The following ATP8A2 variants were observed in gnomAD, a reference collection of about 807,000 sequenced individuals.
ATP8A2 encodes the protein ATPase phospholipid transporting 8A2, also known as phospholipid-transporting ATPase IB.
ATP8A2 carries 100 observed loss-of-function variants against 165.6 expected under a neutral mutation model. That is an observed-to-expected ratio of 0.60 (90% confidence interval 0.51 to 0.71). The LOEUF (loss-of-function observed/expected upper bound fraction) is 0.71. Ranked by LOEUF, ATP8A2 falls within the 30% of genes least tolerant of loss-of-function variation. The pLI is 0.00. For missense variants in ATP8A2, 1,227 were observed against 1,479.5 expected (o/e 0.83, Z 2.80); for synonymous variants, 543 against 548.8 (o/e 0.99, Z 0.15).
At chr13:25,566,225 G>A (rs1264034435) in intron 16 of ATP8A2, among the ~76,000 whole-genome samples, 1 of 152,036 alleles carries the variant, frequency 6.6e-6, no homozygotes, top group African/African-American at 2.4e-5. Flanking sequence ...AGTGGTCCAA[G>A]CCCACAGAGG....
chr13:25,439,772 G>T (rs2034880550), intron 1 of ATP8A2, among the ~76,000 whole-genome samples: 1 of 152,008 alleles, frequency 6.6e-6, no homozygotes, highest in Non-Finnish European at 1.5e-5. Context: ...CGGTCATGAT[G>T]GTGTGCACCT....
At chr13:25,808,230 A>G (rs1292745977) in intron 27 of ATP8A2, among the ~76,000 whole-genome samples, 1 of 151,712 alleles carries the variant, frequency 6.6e-6, no homozygotes, top group African/African-American at 2.4e-5. Context: ...CTTGGGCTCA[A>G]GTGATTCTCC....
chr13:25,835,640 G>T (rs917477347), intron 28 of ATP8A2, among the ~76,000 whole-genome samples: 1 of 151,926 alleles, frequency 6.6e-6, no homozygotes, highest in African/African-American at 2.4e-5. Flanking sequence ...GGACCCTCAG[G>T]GCCAACATGT....
chr13:25,452,843 C>G (rs1404887974), intron 1 of ATP8A2, among the ~76,000 whole-genome samples: 1 of 151,920 alleles, frequency 6.6e-6, no homozygotes, highest in East Asian at 2.0e-4. Context: ...ATCTGTAATC[C>G]CAGCACTTTG....
intron 27 of ATP8A2, among the ~76,000 whole-genome samples, chr13:25,805,502 G>A (rs1005151558): frequency 6.6e-6 from 1 of 152,030 alleles, no homozygotes; most frequent in Non-Finnish European, 1.5e-5. Flanking sequence ...GGGCAACAGA[G>A]TAAGACCCTG....
At chr13:25,993,139 C>T (rs1315644460) in intron 35 of ATP8A2, among the ~76,000 whole-genome samples, 2 of 151,790 alleles carry the variant, frequency 1.3e-5, no homozygotes, top group African/African-American at 4.9e-5. Flanking sequence ...AATAATGCCT[C>T]AATAAACATA....
At chr13:25,865,238 G>A (rs1400538629) in intron 33 of ATP8A2, among the ~76,000 whole-genome samples, 2 of 152,214 alleles carry the variant, frequency 1.3e-5, no homozygotes, top group Non-Finnish European at 2.9e-5. Flanking sequence ...AACTGCTTAG[G>A]AGTAAAGGGT....
At chr13:25,847,269 A>T (rs1467162913) in intron 30 of ATP8A2, among the ~76,000 whole-genome samples, 1 of 152,216 alleles carries the variant, frequency 6.6e-6, no homozygotes, top group Non-Finnish European at 1.5e-5. Context: ...TACTAACCCG[A>T]TCATAGTACA....
intron 25 of ATP8A2, among the ~76,000 whole-genome samples, chr13:25,749,962 T>G (rs956761108): frequency 3.3e-5 from 5 of 151,688 alleles, no homozygotes; most frequent in African/African-American, 9.7e-5. Flanking sequence ...GGAGTTTGAG[T>G]CCAGCCTGGG....
chr13:25,837,143 G>A lies in ATP8A2; in HGVS notation c.2755-20G>A. On this transcript the variant is annotated intron_variant, in intron 28 of 36. Coordinates refer to ENST00000381655, the MANE Select transcript of ATP8A2 (RefSeq NM_016529.6). Reference sequence around the variant, plus strand: ...TGGATCCGAAGGGCTGCTTTTAATGGCTCATTGTTCTCCCTGCAGATTTTC... The same window carrying A: ...TGGATCCGAAGGGCTGCTTTTAATGACTCATTGTTCTCCCTGCAGATTTTC... The A allele has an allele frequency of 6.2e-7, 1 of 1,610,512 alleles. No individual in the cohort carries two copies. The highest frequency in any genetic ancestry group is 8.5e-7 in the Non-Finnish European group (1 of 1,178,294).
chr13:25,863,701 G>A (rs1952421277), intron 33 of ATP8A2: 1 of 152,236 alleles, frequency 6.6e-6, no homozygotes, highest in Non-Finnish European at 1.5e-5. Context: ...ATAGCCCAGG[G>A]TAGCATTACT....
intron 24 of ATP8A2, among the ~76,000 whole-genome samples, chr13:25,618,753 A>G (rs1292083884): frequency 2.0e-5 from 3 of 148,086 alleles, no homozygotes; most frequent in African/African-American, 5.0e-5. Flanking sequence ...TGGGAGCAAG[A>G]TGATGCTTAG....
intron 1 of ATP8A2, among the ~76,000 whole-genome samples, chr13:25,414,186 G>GT (rs10528594): frequency 0.012 from 1,459 of 118,994 alleles, 23 homozygotes; most frequent in Non-Finnish European, 0.014. Flanking sequence ...GGGCTGTGGT[G>GT]TTTTTTTTTT....
chr13:25,550,462 T>C (rs1468497343), intron 10 of ATP8A2, among the ~76,000 whole-genome samples: 1 of 152,176 alleles, frequency 6.6e-6, no homozygotes, highest in Non-Finnish European at 1.5e-5. Context: ...TCTCAAACAG[T>C]TGTGTTGACT....
At chr13:25,905,763 C>T (rs1195666309) in intron 33 of ATP8A2, among the ~76,000 whole-genome samples, 1 of 152,206 alleles carries the variant, frequency 6.6e-6, no homozygotes, top group East Asian at 1.9e-4. Flanking sequence ...GGCGTTGGTT[C>T]CTGTGATTTT....
At chr13:25,699,040 C>T in intron 24 of ATP8A2, 133 bp from the exon 25 acceptor site, 1 of 668,064 alleles carries the variant, frequency 1.5e-6, no homozygotes, top group Non-Finnish European at 2.3e-6. Context: ...TATAAATGTG[C>T]AAAGCTGAAC....
rs893921466 is a variant in ATP8A2, at chr13:25,769,048, T to C, written c.2387T>C (p.Val796Ala). ...GATTTCCCTCTCTTTTCTCACAGAG[T>C]GTCTCCTCTGCAGAAGTCTGAGATA... ...LSCKAVICCR[V>A]SPLQKSEIVD... Residue 796 changes from valine (V) to alanine (A), a missense_variant and splice_region_variant, in exon 26 of 37, where the codon GTG becomes GCG. Physicochemically the swap from Val to Ala is moderately conservative, Grantham distance 64 (BLOSUM62 0). Transcript: ENST00000381655. 8.7e-6 allele frequency: 14 copies of C among 1,613,894 alleles called. No individual in the cohort carries two copies. Among genetic ancestry groups the C allele is most frequent in the South Asian group, 1.1e-5 (1 of 91,068 alleles).
At chr13:25,585,989 T>A (rs2039910826) in intron 23 of ATP8A2, among the ~76,000 whole-genome samples, 1 of 152,230 alleles carries the variant, frequency 6.6e-6, no homozygotes, top group Admixed American at 6.5e-5. Flanking sequence ...GCAGTGTAGA[T>A]GTTAATTATG....
intron 24 of ATP8A2, among the ~76,000 whole-genome samples, chr13:25,640,719 A>G (rs2041496818): frequency 6.6e-6 from 1 of 152,218 alleles, no homozygotes; most frequent in African/African-American, 2.4e-5. Context: ...ATTCCAATCA[A>G]TAGAAAAAGA....
Sources: gnomAD v4.1 joint callset for allele counts (sites outside exome capture counted in the v4.1 genomes callset) on GRCh38, gnomAD v4.1.1 for gene constraint, MANE v1.5 for transcripts, NCBI Gene and HGNC (gene_info 2026-07-23, HGNC 2026-07-21) for gene names.